Variants in PALS2 observed in about 807,000 individuals in gnomAD.
The protein encoded by PALS2 is protein PALS2.
Under a neutral mutation model 61.6 loss-of-function variants are expected in PALS2, and 27 were observed. That is an observed-to-expected ratio of 0.44 (90% CI 0.32 to 0.60). The LOEUF is 0.60. PALS2 is among the 20% of genes least tolerant of loss of function. The probability of loss-of-function intolerance (pLI) is 0.05; values close to 1 mark genes in which losing one functional copy is unlikely to be tolerated. For synonymous variants in PALS2, 236 were observed against 218.6 expected (o/e 1.08, Z -0.70); for missense variants, 554 against 639.4 (o/e 0.87, Z 1.44).
At chr7:24,638,322 C>CTTT (rs749421698) in intron 2 of PALS2, among the ~76,000 whole-genome samples, 745 of 11,882 alleles carry the variant, frequency 0.063, 295 homozygotes, top group Non-Finnish European at 0.076. Context: ...TCTGTATTTT[C>CTTT]TTTTTTTTTT....
At chr7:24,646,097 A>G (rs74419848) in intron 3 of PALS2, among the ~76,000 whole-genome samples, 1 of 152,096 alleles carries the variant, frequency 6.6e-6, no homozygotes, top group African/African-American at 2.4e-5. Context: ...GTCATCTGCA[A>G]ACAGAAATAG....
chr7:24,687,702 A>G lies in PALS2; in HGVS notation c.*88A>G, dbSNP rs1788280127. The G allele has an allele frequency of 1.5e-6, 2 of 1,320,656 alleles. No individual in the cohort carries two copies. The highest frequency in any genetic ancestry group is 2.6e-5 in the Admixed American group (1 of 37,816). 81.8% of individuals were successfully genotyped at this position (1,320,656 alleles called of 1,614,324 possible). ...TCTACTGAGAAAATACATCACAGAT[A>G]GAAGATTATCTGCTAAGTCCAGGCA... On this transcript the variant is annotated 3_prime_UTR_variant, in exon 12 of 12. Transcript: ENST00000222644. This position sits in a 1 kb window ranked among gnomAD's most constrained non-coding sequence, Gnocchi z 4.5.
At chr7:24,597,644 C>G (rs1027365071) in intron 1 of PALS2, among the ~76,000 whole-genome samples, 1 of 152,108 alleles carries the variant, frequency 6.6e-6, no homozygotes, top group African/African-American at 2.4e-5. Context: ...CATGGTCCCA[C>G]AGTGGGTGGG....
intron 1 of PALS2, among the ~76,000 whole-genome samples, chr7:24,607,525 G>A (rs1269295935): frequency 6.6e-6 from 1 of 150,806 alleles, no homozygotes; most frequent in African/African-American, 2.4e-5. Context: ...GTGTATATAT[G>A]TGTGTGTATA....
At position 24,692,242 on chromosome 7, in the gene PALS2, C is replaced by G. The variant is rs1788510196; in HGVS notation, c.*4628C>G. On this transcript the variant is annotated 3_prime_UTR_variant, in exon 12 of 12. Coordinates refer to ENST00000222644, the MANE Select transcript of PALS2 (RefSeq NM_001303037.2). ...TGGTTCACACCACTTTGGCAATACA[C>G]TGCAGTACTTTTTAAAAAATATTCT... 3 of 152,170 alleles carry G rather than the reference C, an allele frequency of 2.0e-5. No individual in the cohort carries two copies. Among genetic ancestry groups the G allele is most frequent in the African/African-American group, 7.2e-5 (3 of 41,452 alleles). The allele number at this position is 152,170 out of a possible 1,614,324, so 9.4% of individuals were successfully genotyped here.
At position 24,692,965 on chromosome 7, in the gene PALS2, G is replaced by GT. The variant is rs962244533; in HGVS notation, c.*5353dup. The GT allele has an allele frequency of 1.1e-3, 161 of 152,260 alleles. No individual in the cohort carries two copies. The highest frequency in any genetic ancestry group is 3.6e-3 in the African/African-American group (150 of 41,558). The allele number at this position is 152,260 out of a possible 1,614,324, so 9.4% of individuals were successfully genotyped here. A position where few individuals can be genotyped will look rare whatever the true frequency, so the allele number is the denominator to read the frequency against. On this transcript the variant is annotated 3_prime_UTR_variant, in exon 12 of 12. Coordinates refer to ENST00000222644, the MANE Select transcript of PALS2 (RefSeq NM_001303037.2). The stretch of plus-strand genomic sequence containing the variant: ...AAAATCCAGATATTAATCCACTTTA[G>GT]TTATTACTTTGTAATTGCTTCTCAG...
chr7:24,670,003 CT>C (rs1334496342), intron 9 of PALS2, among the ~76,000 whole-genome samples: 3 of 152,194 alleles, frequency 2.0e-5, no homozygotes, highest in Non-Finnish European at 1.5e-5. Context: ...TTCTCTTCCC[CT>C]GCCTCACTTA....
At chr7:24,675,689 A>G (rs576846377) in intron 9 of PALS2, among the ~76,000 whole-genome samples, 66 of 134,228 alleles carry the variant, frequency 4.9e-4, no homozygotes, top group African/African-American at 1.6e-3. Context: ...ATGATTTCCA[A>G]TTTCATCCAT....
chr7:24,588,844 G>A lies in PALS2; in HGVS notation c.-3+15251G>A, dbSNP rs184209132. ...AATTCATCATAATATGAAGATAAAA[G>A]TTGAATGAATGTATCATAATTGAGA... On this transcript the variant is annotated intron_variant, in intron 1 of 11. Coordinates refer to ENST00000222644, the MANE Select transcript of PALS2 (RefSeq NM_001303037.2). Among the ~76,000 whole-genome samples the A allele has an allele frequency of 9.8e-5, 15 of 152,304 alleles. No homozygotes were observed. In the East Asian group the frequency reaches 2.9e-3, roughly 29 times the overall value.
At chr7:24,578,547 TTC>T (rs1417803830) in intron 1 of PALS2, among the ~76,000 whole-genome samples, 1 of 152,204 alleles carries the variant, frequency 6.6e-6, no homozygotes, top group Non-Finnish European at 1.5e-5. Context: ...ATCATATCGT[TTC>T]TCTCTTCTTC....
rs930424565 is a variant in PALS2, at chr7:24,573,753, C to T, written c.-3+160C>T. 5.5e-5 allele frequency among the ~76,000 whole-genome samples: 8 copies of T among 144,552 alleles called. No individual in the cohort carries two copies. Among genetic ancestry groups the T allele is most frequent in the Admixed American group, 5.5e-4 (8 of 14,642 alleles). The allele number at this position is 144,552 out of a possible 152,430, so 94.8% of individuals were successfully genotyped here. On this transcript the variant is annotated intron_variant, in intron 1 of 11. Coordinates refer to ENST00000222644, the MANE Select transcript of PALS2 (RefSeq NM_001303037.2). This position sits in a 1 kb window ranked among gnomAD's most constrained non-coding sequence, Gnocchi z 5.3. ...TTCGGCGGGCGCGGGGAAGAGGGAC[C>T]GGCAGGCGGCGGCGGCGGCGCCGCG...
chr7:24,629,518 AAAG>A (rs1784900959), intron 2 of PALS2, among the ~76,000 whole-genome samples: 1 of 152,214 alleles, frequency 6.6e-6, no homozygotes, highest in Non-Finnish European at 1.5e-5. Flanking sequence ...CTGCACAACA[AAAG>A]AAACTATCAT....
intron 1 of PALS2, among the ~76,000 whole-genome samples, chr7:24,593,861 A>G (rs56286681): frequency 0.067 from 10,162 of 152,126 alleles, 405 homozygotes; most frequent in African/African-American, 0.11. Flanking sequence ...GTAAATGAGG[A>G]TTGGCTTCAG....
chr7:24,625,035 C>A (rs1453829628), intron 2 of PALS2, among the ~76,000 whole-genome samples: 1 of 152,130 alleles, frequency 6.6e-6, no homozygotes, highest in Non-Finnish European at 1.5e-5. Context: ...TTTACTATAG[C>A]CTTTCCAATG....
At chr7:24,589,687 T>C (rs1783209105) in intron 1 of PALS2, among the ~76,000 whole-genome samples, 1 of 152,144 alleles carries the variant, frequency 6.6e-6, no homozygotes, top group Admixed American at 6.6e-5. Flanking sequence ...CCATTACTTA[T>C]TTATGATCAA....
intron 1 of PALS2, among the ~76,000 whole-genome samples, chr7:24,588,211 T>TA: frequency 6.6e-6 from 1 of 152,334 alleles, no homozygotes; most frequent in South Asian, 2.1e-4. Context: ...CAATTTTTTT[T>TA]ACTTCCTTTT....
intron 1 of PALS2, among the ~76,000 whole-genome samples, chr7:24,609,843 G>A (rs1430773297): frequency 2.6e-5 from 4 of 152,082 alleles, no homozygotes; most frequent in African/African-American, 4.8e-5. Context: ...TAATGGCCTG[G>A]AATGACTGCC....
In PALS2 at chr7:24,668,548, T is replaced by C. The variant is rs753759555; in HGVS notation, c.1002T>C (p.Pro334=). 5.0e-6 allele frequency: 8 copies of C among 1,613,568 alleles called. No homozygotes were observed. Among genetic ancestry groups the C allele is most frequent in the African/African-American group, 1.3e-5 (1 of 74,882 alleles). Residue 334 remains proline (P), a synonymous_variant, in exon 9 of 12, where the codon CCT becomes CCC. Transcript: ENST00000222644. Reference sequence around the variant, plus strand: ...TATATGAGGAGGTAGCCAAAATGCCTCCCTTCCAGAGAAAAACATTAGTAT... The same window carrying C: ...TATATGAGGAGGTAGCCAAAATGCCCCCCTTCCAGAGAAAAACATTAGTAT... ...IQIYEEVAKM[P]PFQRKTLVLI...
chr7:24,597,735 T>C (rs1783575537), intron 1 of PALS2, among the ~76,000 whole-genome samples: 1 of 152,110 alleles, frequency 6.6e-6, no homozygotes, highest in Admixed American at 6.6e-5. Context: ...GAATAAAGAA[T>C]GATGGTAATG....
Sources: gnomAD v4.1 joint callset for allele counts (sites outside exome capture counted in the v4.1 genomes callset) on GRCh38, gnomAD v4.1.1 for gene constraint, Gnocchi (gnomAD v3.1) non-coding constraint, MANE v1.5 for transcripts, NCBI Gene and HGNC (gene_info 2026-07-23, HGNC 2026-07-21) for gene names.